Variants in HYDIN observed in about 807,000 individuals in gnomAD.
HYDIN encodes axonemal central pair apparatus protein HYDIN.
Under a neutral mutation model 403.9 loss-of-function variants are expected in HYDIN, and 132 were observed. The ratio of observed to expected loss-of-function variants is 0.33; its 90% CI spans 0.28 to 0.38. The LOEUF (loss-of-function observed/expected upper bound fraction) is 0.38. Ranked by LOEUF, HYDIN falls within the 10% of genes least tolerant of loss-of-function variation. HYDIN has a pLI of 1.00. For missense variants in HYDIN, 2,827 were observed against 5,009.5 expected, an observed-to-expected ratio of 0.56 and a Z score of 13.15; for synonymous variants, 1,202 against 1,891.7, an observed-to-expected ratio of 0.64 and a Z score of 9.46.
chr16:71,055,106 C>G (rs1313445472), intron 18 of HYDIN, among the ~76,000 whole-genome samples: 1 of 152,288 alleles, frequency 6.6e-6, no homozygotes, highest in Non-Finnish European at 1.5e-5. Context: ...CATTTATGAA[C>G]ATGAAACCGT....
intron 43 of HYDIN, among the ~76,000 whole-genome samples, chr16:70,940,828 G>A (rs1324571598): frequency 7.2e-5 from 11 of 152,220 alleles, no homozygotes; most frequent in Admixed American, 7.2e-4. Context: ...GTGTTAGAAG[G>A]GAGCGGTAAG....
intron 1 of HYDIN, among the ~76,000 whole-genome samples, chr16:71,189,498 T>C (rs1176756489): frequency 6.6e-6 from 1 of 152,176 alleles, no homozygotes. Context: ...CTGGGCGTAG[T>C]GGCTCACACC....
intron 66 of HYDIN, among the ~76,000 whole-genome samples, chr16:70,866,750 A>G (rs2039773542): frequency 6.6e-6 from 1 of 152,184 alleles, no homozygotes; most frequent in South Asian, 2.1e-4. Flanking sequence ...TAGGCCAGGC[A>G]TGGTGGCTCA....
chr16:70,906,313 C>T lies in HYDIN; in HGVS notation c.8516+1059G>A, dbSNP rs556348313. ...CTATTTCCTCAAGATTTTAAACTTT[C>T]GCCACTCCCCTCACTTGCAATGGAT... On this transcript the variant is annotated intron_variant, in intron 50 of 85. Transcript: ENST00000393567. 2.1e-4 allele frequency among the ~76,000 whole-genome samples: 32 copies of T among 151,716 alleles called. No homozygotes were observed. In the East Asian group the frequency reaches 5.8e-3, roughly 28 times the overall value.
chr16:70,912,764 CT>C (rs1399857415), intron 47 of HYDIN, among the ~76,000 whole-genome samples: 1 of 142,488 alleles, frequency 7.0e-6, no homozygotes. Context: ...TGGTCCTGGA[CT>C]TTTTTTTGGT....
At chr16:71,005,102 C>G (rs903366105) in intron 23 of HYDIN, among the ~76,000 whole-genome samples, 9 of 152,002 alleles carry the variant, frequency 5.9e-5, no homozygotes, top group African/African-American at 1.5e-4. Context: ...TGCTTTAAGC[C>G]CTAGTATACA....
intron 19 of HYDIN, among the ~76,000 whole-genome samples, 160 bp from the exon 20 acceptor site, chr16:71,028,035 A>C: frequency 7.1e-6 from 1 of 139,922 alleles, no homozygotes; most frequent in African/African-American, 2.6e-5. Flanking sequence ...TCACGATGCC[A>C]CTAGGAACTA....
chr16:70,897,800 C>T lies in HYDIN; in HGVS notation c.9049-1720G>A, dbSNP rs576787980. 5.3e-5 allele frequency among the ~76,000 whole-genome samples: 8 copies of T among 152,274 alleles called. No individual in the cohort carries two copies. In the South Asian group the frequency reaches 1.2e-3, roughly 24 times the overall value. On this transcript the variant is annotated intron_variant, in intron 53 of 85. Coordinates refer to ENST00000393567, the MANE Select transcript of HYDIN (RefSeq NM_001270974.2). ...CTTTGCGGGGCTCTACGGAGTTCCA[C>T]GCTGCTTTGTTCAGAGCCCTAATCA...
Position 71,210,553 on chromosome 16 carries a change from G to A in HYDIN, c.-24+20009C>T, listed in dbSNP as rs145583973. ...AGGTTCAGAAAAAAAAAAGCTTTCA[G>A]GTACTATGCTTAGAACCAGGGTGAT... On this transcript the variant is annotated intron_variant, in intron 1 of 85. Transcript: ENST00000393567. Among the ~76,000 whole-genome samples the A allele has an allele frequency of 1.9e-3, 290 of 151,980 alleles. 1 individual carries two copies. The highest frequency in any genetic ancestry group is 6.8e-3 in the Middle Eastern group (2 of 292).
chr16:70,866,704 TTGA>T (rs71776092), intron 66 of HYDIN, among the ~76,000 whole-genome samples: 9,022 of 151,278 alleles, frequency 0.06, 615 homozygotes, highest in African/African-American at 0.21. Context: ...ATTAATAAAC[TTGA>T]TGATATTAAA....
chr16:70,991,851 AGG>A (rs1411495632), intron 24 of HYDIN, among the ~76,000 whole-genome samples: 9 of 152,016 alleles, frequency 5.9e-5, no homozygotes, highest in African/African-American at 1.9e-4. Context: ...ACATACAGAG[AGG>A]ACAATATGAT....
intron 36 of HYDIN, among the ~76,000 whole-genome samples, chr16:70,965,571 T>C (rs1158334697): frequency 3.3e-5 from 5 of 152,258 alleles, no homozygotes; most frequent in Non-Finnish European, 7.3e-5. Flanking sequence ...TCCTAGTGTG[T>C]ATGTGTATTT....
intron 83 of HYDIN, among the ~76,000 whole-genome samples, chr16:70,824,492 T>A (rs537106432): frequency 5.3e-5 from 8 of 151,740 alleles, no homozygotes; most frequent in African/African-American, 1.9e-4. Flanking sequence ...TAATTTTGAT[T>A]ATTTGCTTAT....
chr16:71,183,995 A>C (rs979474112), intron 3 of HYDIN, among the ~76,000 whole-genome samples: 1 of 152,108 alleles, frequency 6.6e-6, no homozygotes, highest in Non-Finnish European at 1.5e-5. Flanking sequence ...AATGTCTTGG[A>C]AAAGACCATG....
At chr16:70,976,601 T>C (rs1384593632) in intron 30 of HYDIN, among the ~76,000 whole-genome samples, 1 of 151,552 alleles carries the variant, frequency 6.6e-6, no homozygotes, top group Non-Finnish European at 1.5e-5. Flanking sequence ...ATGGATTTGA[T>C]GTTGTACTAT....
intron 11 of HYDIN, among the ~76,000 whole-genome samples, chr16:71,090,642 G>C (rs377372580): frequency 1.1e-4 from 16 of 150,536 alleles, no homozygotes; most frequent in African/African-American, 3.5e-4. Context: ...TGGGGCTATA[G>C]GTATGTGCCA....
intron 29 of HYDIN, among the ~76,000 whole-genome samples, chr16:70,980,318 C>T (rs953790792): frequency 2.0e-5 from 3 of 148,644 alleles, no homozygotes; most frequent in Admixed American, 6.7e-5. Context: ...GCCTGGGTAA[C>T]AAAGTAAGAT....
intron 1 of HYDIN, among the ~76,000 whole-genome samples, chr16:71,197,522 T>A (rs111440674): frequency 1.3e-5 from 2 of 152,278 alleles, no homozygotes; most frequent in African/African-American, 4.8e-5. Context: ...TAAAGTGATA[T>A]CACCTTTTAA....
chr16:70,914,521 G>C (rs2076784328), intron 47 of HYDIN, among the ~76,000 whole-genome samples: 1 of 140,848 alleles, frequency 7.1e-6, no homozygotes, highest in Non-Finnish European at 1.5e-5. Flanking sequence ...TAATCTGATA[G>C]GTTTTCCTTT....
Sources: gnomAD v4.1 joint callset for allele counts (sites outside exome capture counted in the v4.1 genomes callset) on GRCh38, gnomAD v4.1.1 for gene constraint, MANE v1.5 for transcripts, NCBI Gene and HGNC (gene_info 2026-07-23, HGNC 2026-07-21) for gene names.